PRKCH: variants seen among roughly 807,000 people sequenced by gnomAD.
PRKCH encodes protein kinase C eta.
A neutral mutation model predicts 82.5 loss-of-function variants in PRKCH; 28 were observed. That is an observed-to-expected ratio of 0.34 (90% CI 0.25 to 0.47). The LOEUF (loss-of-function observed/expected upper bound fraction) is 0.47. Ranked by LOEUF, PRKCH falls within the 20% of genes least tolerant of loss-of-function variation. The pLI, the probability that PRKCH is intolerant of heterozygous loss-of-function variation, is 1.00. For synonymous variants in PRKCH, 322 were observed against 327.4 expected (o/e 0.98, Z 0.18); for missense variants, 705 against 881.8 (o/e 0.80, Z 2.54).
At chr14:61,415,888 CTA>C (rs1186639660) in intron 2 of PRKCH, among the ~76,000 whole-genome samples, 1 of 152,108 alleles carries the variant, frequency 6.6e-6, no homozygotes, top group Non-Finnish European at 1.5e-5. Flanking sequence ...CTTTCTGTCT[CTA>C]TAGATTTGAC....
chr14:61,418,901 T>C (rs375654309), intron 2 of PRKCH, among the ~76,000 whole-genome samples: 1 of 152,238 alleles, frequency 6.6e-6, no homozygotes, highest in Admixed American at 6.5e-5. Context: ...CTTCTGGCTC[T>C]TTGCCTGACT....
chr14:61,349,855 C>T (rs1343864443), intron 1 of PRKCH, among the ~76,000 whole-genome samples: 2 of 151,912 alleles, frequency 1.3e-5, no homozygotes, highest in African/African-American at 4.8e-5. Context: ...AACGAGACTC[C>T]ATCTCAGAAA....
intron 1 of PRKCH, among the ~76,000 whole-genome samples, chr14:61,234,910 T>C (rs2044775033): frequency 6.6e-6 from 1 of 152,230 alleles, no homozygotes; most frequent in Admixed American, 6.5e-5. Context: ...TCTGTCTCTT[T>C]TGCTGACAAA....
At chr14:61,267,164 T>G (rs1399571711) in intron 1 of PRKCH, among the ~76,000 whole-genome samples, 1 of 152,194 alleles carries the variant, frequency 6.6e-6, no homozygotes, top group African/African-American at 2.4e-5. Context: ...TTGAAAAACA[T>G]GAAAGCAGAT....
At chr14:61,490,731 T>A (rs116334875) in intron 10 of PRKCH, among the ~76,000 whole-genome samples, 1,688 of 152,220 alleles carry the variant, frequency 0.011, 27 homozygotes, top group African/African-American at 0.038. Context: ...GTAGGCAACA[T>A]AAGGAGACCC....
intron 2 of PRKCH, among the ~76,000 whole-genome samples, chr14:61,417,871 G>T (rs1368091281): frequency 6.6e-6 from 1 of 152,120 alleles, no homozygotes; most frequent in Admixed American, 6.5e-5. Flanking sequence ...TGTGTATGAG[G>T]GTTTTTGTGG....
At chr14:61,461,917 A>C (rs1209622669) in intron 9 of PRKCH, among the ~76,000 whole-genome samples, 1 of 152,156 alleles carries the variant, frequency 6.6e-6, no homozygotes, top group Non-Finnish European at 1.5e-5. Context: ...TTCCTAGTGG[A>C]AGTTTTATGT....
chr14:61,451,112 T>G (rs1884489881), intron 6 of PRKCH, 141 bp downstream of exon 6: 1 of 1,157,910 alleles, frequency 8.6e-7, no homozygotes, highest in South Asian at 1.9e-5. Flanking sequence ...CATTTTAAAC[T>G]TACATGTTTC....
At chr14:61,387,039 C>G (rs2046598755) in intron 1 of PRKCH, among the ~76,000 whole-genome samples, 1 of 152,196 alleles carries the variant, frequency 6.6e-6, no homozygotes, top group Non-Finnish European at 1.5e-5. Context: ...TCTTTGTTGG[C>G]TTCATTCTGT....
chr14:61,533,295 A>T (rs1018413925), intron 12 of PRKCH, among the ~76,000 whole-genome samples: 3 of 38,954 alleles, frequency 7.7e-5, no homozygotes, highest in South Asian at 1.8e-3. Context: ...TAAAATTACT[A>T]AAAAAAAAAA....
rs1381846598 is a variant in PRKCH, at chr14:61,549,160, G to A, written c.1906-525G>A. On this transcript the variant is annotated intron_variant, in intron 13 of 13. Coordinates refer to ENST00000332981, the MANE Select transcript of PRKCH (RefSeq NM_006255.5). ...TAGTCCTAACTGCACAGCTGGTCCA[G>A]CAGGGCGTAACGCATCTACCTAGAG... 2.0e-5 allele frequency among the ~76,000 whole-genome samples: 3 copies of A among 152,160 alleles called. No individual in the cohort carries two copies. In the South Asian group the frequency reaches 6.2e-4, roughly 32 times the overall value.
intron 10 of PRKCH, among the ~76,000 whole-genome samples, chr14:61,507,324 A>G (rs1277334331): frequency 6.6e-6 from 1 of 152,132 alleles, no homozygotes; most frequent in African/African-American, 2.4e-5. Flanking sequence ...AACCCTATGC[A>G]CTGTTGGTGG....
intron 1 of PRKCH, among the ~76,000 whole-genome samples, chr14:61,243,991 C>G (rs1487672247): frequency 6.6e-6 from 1 of 151,470 alleles, no homozygotes; most frequent in East Asian, 1.9e-4. Flanking sequence ...TTTCTCTATA[C>G]AGGGAGCCTT....
At position 61,191,935 on chromosome 14, in the gene PRKCH, T is replaced by A. The variant is rs549271512; in HGVS notation, c.-19+4267T>A. ...AATGTAATCCACATGCTTAAATTCA[T>A]GTACACTCAGCTCATCCCAGGGTCA... On this transcript the variant is annotated intron_variant, in intron 1 of 3. Coordinates refer to the PRKCH transcript ENST00000555185. Among the ~76,000 whole-genome samples the A allele has an allele frequency of 3.9e-5, 6 of 152,278 alleles. No individual in the cohort carries two copies. The East Asian group carries it at 1.2e-3, about 29-fold the overall frequency.
At chr14:61,252,995 C>A (rs2044960039) in intron 1 of PRKCH, among the ~76,000 whole-genome samples, 1 of 152,168 alleles carries the variant, frequency 6.6e-6, no homozygotes, top group South Asian at 2.1e-4. Flanking sequence ...GGCAAACAAG[C>A]GCTGCTCGGC....
intron 1 of PRKCH, among the ~76,000 whole-genome samples, chr14:61,350,855 G>A (rs1325898392): frequency 6.6e-6 from 1 of 152,178 alleles, no homozygotes; most frequent in African/African-American, 2.4e-5. Context: ...TCAGAGATTG[G>A]CCCTTTAATA....
At chr14:61,502,704 A>C (rs1886970569) in intron 10 of PRKCH, among the ~76,000 whole-genome samples, 1 of 152,146 alleles carries the variant, frequency 6.6e-6, no homozygotes, top group African/African-American at 2.4e-5. Flanking sequence ...CAAGAGAGAA[A>C]AAATTAAAAA....
chr14:61,323,193 C>G (rs567571391), intron 1 of PRKCH, among the ~76,000 whole-genome samples: 1 of 152,288 alleles, frequency 6.6e-6, no homozygotes, highest in African/African-American at 2.4e-5. Flanking sequence ...CCCCCATCAC[C>G]AGCCTGTGTT....
At chr14:61,366,176 C>G (rs1457221819) in intron 1 of PRKCH, among the ~76,000 whole-genome samples, 1 of 152,056 alleles carries the variant, frequency 6.6e-6, no homozygotes, top group Admixed American at 6.6e-5. Flanking sequence ...CAGTAAAAAT[C>G]GTACACTTTT....
Sources: allele counts gnomAD v4.1 joint callset (sites outside exome capture counted in the v4.1 genomes callset), GRCh38; gene constraint gnomAD v4.1.1; transcripts MANE v1.5; gene names NCBI Gene and HGNC (gene_info 2026-07-23, HGNC 2026-07-21).